Variants in STPG2 observed in about 807,000 individuals in gnomAD.
STPG2 encodes sperm-tail PG-rich repeat-containing protein 2.
A neutral mutation model predicts 54.2 loss-of-function variants in STPG2; 56 were observed. The observed-to-expected ratio is 1.03, with a 90% CI of 0.83 to 1.29. The LOEUF is 1.29. STPG2 is among the 50% of genes most tolerant of loss of function. The pLI is 0.00. For synonymous variants in STPG2, 200 were observed against 181.8 expected (o/e 1.10, Z -0.81); for missense variants, 596 against 544.9 (o/e 1.09, Z -0.93).
chr4:97,970,193 T>C (rs578131158), intron 7 of STPG2, among the ~76,000 whole-genome samples: 1 of 152,312 alleles, frequency 6.6e-6, no homozygotes, highest in South Asian at 2.1e-4. Flanking sequence ...TCCATGCTCA[T>C]GGGTAGGAAG....
chr4:98,024,152 G>C (rs1317650155), intron 5 of STPG2, among the ~76,000 whole-genome samples: 1 of 151,988 alleles, frequency 6.6e-6, no homozygotes, highest in Non-Finnish European at 1.5e-5. Context: ...GACCGGAGCT[G>C]TTCCTATTCA....
chr4:97,508,473 G>A (rs558247008), intron 4 of STPG2, among the ~76,000 whole-genome samples: 2 of 152,030 alleles, frequency 1.3e-5, no homozygotes, highest in South Asian at 4.1e-4. Flanking sequence ...TTCCTCAAAT[G>A]TTTTGAAATT....
intron 5 of STPG2, among the ~76,000 whole-genome samples, chr4:98,105,364 T>C (rs971212871): frequency 3.3e-5 from 5 of 152,124 alleles, no homozygotes; most frequent in African/African-American, 1.2e-4. Context: ...GCAAGGTAGC[T>C]GCAAGGACCC....
Position 98,022,491 on chromosome 4 carries a change from G to A in STPG2, c.613-41173C>T, listed in dbSNP as rs1236898703. On this transcript the variant is annotated intron_variant, in intron 5 of 10. Coordinates refer to ENST00000295268, the MANE Select transcript of STPG2 (RefSeq NM_174952.3). The stretch of plus-strand genomic sequence containing the variant: ...CAACTTTGGTGAATCTGACAATTAT[G>A]TGTCTTGGAGTTGCTCTTCTCGAGG... Among the ~76,000 whole-genome samples the A allele has an allele frequency of 4.6e-5, 7 of 151,784 alleles. No individual in the cohort carries two copies. In the South Asian group the frequency reaches 6.2e-4, roughly 14 times the overall value.
In STPG2 at chr4:97,872,836, G is replaced by A. The variant is rs116534342; in HGVS notation, c.1045-31904C>T. 6.6e-3 allele frequency among the ~76,000 whole-genome samples: 1,004 copies of A among 150,998 alleles called. 13 individuals carry two copies. Among genetic ancestry groups the A allele is most frequent in the African/African-American group, 0.023 (953 of 41,368 alleles). On this transcript the variant is annotated intron_variant, in intron 8 of 10. Transcript: ENST00000295268. Reference sequence around the variant, plus strand: ...ATTACCCCAGATATAGTCAGTTGGGGGCACCTTCAAGCTAATTCTTGTGTC... The same window carrying A: ...ATTACCCCAGATATAGTCAGTTGGGAGCACCTTCAAGCTAATTCTTGTGTC...
intron 10 of STPG2, among the ~76,000 whole-genome samples, chr4:97,683,908 C>T (rs901192867): frequency 6.6e-6 from 1 of 151,752 alleles, no homozygotes; most frequent in Non-Finnish European, 1.5e-5. Flanking sequence ...GCATCTATAG[C>T]AGAGTTGCAG....
intron 10 of STPG2, among the ~76,000 whole-genome samples, chr4:97,690,186 C>A (rs574180413): frequency 6.6e-6 from 1 of 152,180 alleles, no homozygotes; most frequent in African/African-American, 2.4e-5. Context: ...CCTTTTTTCT[C>A]AGTAAATTAG....
chr4:97,614,798 C>A (rs557633903), intron 10 of STPG2, among the ~76,000 whole-genome samples: 1 of 152,096 alleles, frequency 6.6e-6, no homozygotes, highest in Non-Finnish European at 1.5e-5. Context: ...TAGGGTCCAA[C>A]AGTTTTGATA....
chr4:97,606,107 G>C (rs1002771201), intron 10 of STPG2, among the ~76,000 whole-genome samples: 1 of 151,806 alleles, frequency 6.6e-6, no homozygotes, highest in South Asian at 2.1e-4. Flanking sequence ...CAAAATACAG[G>C]ATGCTGATGA....
At chr4:97,472,958 A>C (rs575749900) in intron 4 of STPG2, among the ~76,000 whole-genome samples, 1 of 152,322 alleles carries the variant, frequency 6.6e-6, no homozygotes, top group African/African-American at 2.4e-5. Flanking sequence ...GCCTGTCTTT[A>C]CTGCAATCTC....
chr4:98,136,771 G>A lies in STPG2; in HGVS notation c.110-2312C>T, dbSNP rs112285964. Reference sequence around the variant, plus strand: ...AGGCTTATTTACTATATATGAAGTGGTACAATATTATTTGAAGGTAGACTG... The same window carrying A: ...AGGCTTATTTACTATATATGAAGTGATACAATATTATTTGAAGGTAGACTG... On this transcript the variant is annotated intron_variant, in intron 1 of 10. Coordinates refer to ENST00000295268, the MANE Select transcript of STPG2 (RefSeq NM_174952.3). Among the ~76,000 whole-genome samples, 156 of 151,648 alleles carry A rather than the reference G, an allele frequency of 1.0e-3. 1 individual carries two copies. The highest frequency in any genetic ancestry group is 1.7e-3 in the Non-Finnish European group (112 of 67,648).
intron 4 of STPG2, among the ~76,000 whole-genome samples, chr4:97,470,928 G>A (rs143890532): frequency 2.3e-4 from 35 of 152,214 alleles, no homozygotes; most frequent in African/African-American, 8.4e-4. Flanking sequence ...ATGTCAGATT[G>A]GGGATCATCT....
intron 10 of STPG2, among the ~76,000 whole-genome samples, chr4:97,674,875 A>G (rs889589545): frequency 1.4e-4 from 21 of 152,204 alleles, no homozygotes; most frequent in Admixed American, 7.2e-4. Context: ...ATAAAAAAGC[A>G]TTTGAAGGAA....
intron 9 of STPG2, 147 bp from the exon 10 acceptor site, chr4:97,712,961 T>C: frequency 2.1e-6 from 1 of 487,076 alleles, no homozygotes; most frequent in Non-Finnish European, 3.6e-6. Flanking sequence ...TTAAAATCAT[T>C]TGGTTTATGT....
At chr4:97,814,716 T>C (rs1727855112) in intron 9 of STPG2, among the ~76,000 whole-genome samples, 1 of 152,086 alleles carries the variant, frequency 6.6e-6, no homozygotes, top group African/African-American at 2.4e-5. Context: ...GCTGCCAGCA[T>C]GGACAGGATA....
At chr4:97,456,561 T>A (rs1417302218) in intron 4 of STPG2, among the ~76,000 whole-genome samples, 1 of 152,050 alleles carries the variant, frequency 6.6e-6, no homozygotes, top group Non-Finnish European at 1.5e-5. Flanking sequence ...AGGAATGTTA[T>A]ACAAAATATA....
At chr4:97,633,251 T>C (rs967629437) in intron 10 of STPG2, among the ~76,000 whole-genome samples, 4 of 152,122 alleles carry the variant, frequency 2.6e-5, no homozygotes, top group African/African-American at 9.7e-5. Flanking sequence ...AACTTTAACG[T>C]TTTATTAATT....
At chr4:97,874,271 T>C (rs1046047495) in intron 8 of STPG2, among the ~76,000 whole-genome samples, 2 of 151,716 alleles carry the variant, frequency 1.3e-5, no homozygotes, top group East Asian at 3.9e-4. Flanking sequence ...CAATAACTTA[T>C]TTTTGCTTGT....
In STPG2 at chr4:97,589,249, C is replaced by A. The variant is rs572107229; in HGVS notation, c.1321-30132G>T. ...CTGAATAAAATCACCAAAAAAAAAACCAATTACCCAGTTTTTGCATTATAT... is the reference window on the plus strand; with the variant it reads ...CTGAATAAAATCACCAAAAAAAAAAACAATTACCCAGTTTTTGCATTATAT... On this transcript the variant is annotated intron_variant, in intron 10 of 10. Coordinates refer to ENST00000295268, the MANE Select transcript of STPG2 (RefSeq NM_174952.3). 1.1e-4 allele frequency among the ~76,000 whole-genome samples: 16 copies of A among 151,160 alleles called. No homozygotes were observed. In the South Asian group the frequency reaches 1.5e-3, roughly 14 times the overall value.
Sources: gnomAD v4.1 joint callset for allele counts (sites outside exome capture counted in the v4.1 genomes callset) on GRCh38, gnomAD v4.1.1 for gene constraint, MANE v1.5 for transcripts, NCBI Gene and HGNC (gene_info 2026-07-23, HGNC 2026-07-21) for gene names.